The following DMXL1 variants were observed in gnomAD, a reference collection of about 807,000 sequenced individuals.
DMXL1 encodes Dmx like 1, also known as dmX-like protein 1.
DMXL1 carries 99 observed loss-of-function variants against 319.2 expected under a neutral mutation model. The ratio of observed to expected loss-of-function variants is 0.31; its 90% CI spans 0.26 to 0.37. The LOEUF is 0.37. Ranked by LOEUF, DMXL1 falls within the 10% of genes least tolerant of loss-of-function variation. The probability of loss-of-function intolerance (pLI) is 1.00; values close to 1 mark genes in which losing one functional copy is unlikely to be tolerated. For synonymous variants in DMXL1, 1,385 were observed against 1,235.2 expected (o/e 1.12, Z -2.54); for missense variants, 3,745 against 3,595.6 (o/e 1.04, Z -1.06).
At position 119,133,859 on chromosome 5, in the gene DMXL1, C is replaced by T; in HGVS notation, c.1935C>T (p.Cys645=). The T allele has an allele frequency of 6.2e-7, 1 of 1,614,064 alleles. No homozygotes were observed. The highest frequency in any genetic ancestry group is 1.1e-5 in the South Asian group (1 of 91,082). Residue 645 remains cysteine, a synonymous_variant, in exon 12 of 44, where the codon TGC becomes TGT. Coordinates refer to ENST00000539542, the MANE Select transcript of DMXL1 (RefSeq NM_001290321.3). ...GHRFHLNDLA[C]HSVLPLLLTT... ...GTTTTCATCTTAATGATTTAGCTTG[C>T]CACTCAGTATTACCATTATTGCTGA...
chr5:119,164,765 C>T (rs1773059216), intron 20 of DMXL1, 89 bp downstream of exon 20: 2 of 1,219,656 alleles, frequency 1.6e-6, no homozygotes, highest in African/African-American at 3.0e-5. Flanking sequence ...CCATTACTCC[C>T]TCTTGTTTTT....
At chr5:119,184,258 G>A (rs1164275593) in intron 28 of DMXL1, among the ~76,000 whole-genome samples, 1 of 151,956 alleles carries the variant, frequency 6.6e-6, no homozygotes, top group Non-Finnish European at 1.5e-5. Context: ...ATAGAGACAA[G>A]GTCTCACTAT....
At chr5:119,231,224 C>T (rs1230501866) in intron 38 of DMXL1, among the ~76,000 whole-genome samples, 2 of 152,150 alleles carry the variant, frequency 1.3e-5, no homozygotes, top group Non-Finnish European at 2.9e-5. Flanking sequence ...GGTAAATATA[C>T]TCATTTCTCT....
intron 38 of DMXL1, 152 bp from the exon 39 acceptor site, chr5:119,233,188 G>T: frequency 1.5e-6 from 1 of 671,912 alleles, no homozygotes; most frequent in Admixed American, 3.0e-5. Flanking sequence ...TTTTTATGAT[G>T]AATAGTATTC....
rs1020835140 is a variant in DMXL1, at chr5:119,173,702, A to G, written c.6682-1559A>G. Among the ~76,000 whole-genome samples the G allele has an allele frequency of 3.3e-3, 385 of 116,796 alleles. 2 individuals carry two copies. Among genetic ancestry groups the G allele is most frequent in the Middle Eastern group, 0.023 (6 of 256 alleles). 76.6% of individuals were successfully genotyped at this position (116,796 alleles called of 152,430 possible). ...TGTGTGTGTGTGTGTGTGTGTGTATATATATATGTGTGTGTGTATATATAT... is the reference window on the plus strand; with the variant it reads ...TGTGTGTGTGTGTGTGTGTGTGTATGTATATATGTGTGTGTGTATATATAT... On this transcript the variant is annotated intron_variant, in intron 25 of 43. Coordinates refer to ENST00000539542, the MANE Select transcript of DMXL1 (RefSeq NM_001290321.3).
At chr5:119,196,043 T>G (rs1431371866) in intron 30 of DMXL1, among the ~76,000 whole-genome samples, 1 of 152,190 alleles carries the variant, frequency 6.6e-6, no homozygotes, top group Non-Finnish European at 1.5e-5. Flanking sequence ...TGCTACCTGC[T>G]TTTTATTTAT....
intron 1 of DMXL1, among the ~76,000 whole-genome samples, chr5:119,072,466 AC>A (rs1749832866): frequency 6.6e-6 from 1 of 152,016 alleles, no homozygotes; most frequent in Admixed American, 6.6e-5. Context: ...TTGTGTAGAT[AC>A]CTCTTTAGTT....
At position 119,186,747 on chromosome 5, in the gene DMXL1, G is replaced by A. The variant is rs572972181; in HGVS notation, c.7136-2961G>A. On this transcript the variant is annotated intron_variant, in intron 28 of 43. Coordinates refer to ENST00000539542, the MANE Select transcript of DMXL1 (RefSeq NM_001290321.3). ...TAGCCATTTCTCCATTTCTGTTTTG[G>A]GTTCTTTGGGGAGTTACTTTTATAA... 3.9e-5 allele frequency among the ~76,000 whole-genome samples: 6 copies of A among 152,192 alleles called. No homozygotes were observed. In the South Asian group the frequency reaches 1.0e-3, roughly 26 times the overall value.
chr5:119,071,334 C>G lies in DMXL1; in HGVS notation c.-236C>G, dbSNP rs960021346. On this transcript the variant is annotated 5_prime_UTR_variant, in exon 1 of 44. Coordinates refer to ENST00000539542, the MANE Select transcript of DMXL1 (RefSeq NM_001290321.3). ...GCTAGCGCGGGGAGTGACAGGTGCG[C>G]GAAGGAGCGCGGCGCTCCGCCCTCT... The G allele has an allele frequency of 1.9e-6, 1 of 521,618 alleles. No homozygotes were observed. Among genetic ancestry groups the G allele is most frequent in the African/African-American group, 2.1e-5 (1 of 48,254 alleles). The allele number at this position is 521,618 out of a possible 1,614,324, so 32.3% of individuals were successfully genotyped here.
intron 19 of DMXL1, among the ~76,000 whole-genome samples, chr5:119,153,838 G>A (rs1770380647): frequency 6.6e-6 from 1 of 152,194 alleles, no homozygotes; most frequent in Non-Finnish European, 1.5e-5. Context: ...AAATACAGCA[G>A]TTTTTACAAA....
chr5:119,129,553 C>T, intron 10 of DMXL1, 130 bp downstream of exon 10: 1 of 647,010 alleles, frequency 1.5e-6, no homozygotes, highest in Non-Finnish European at 2.6e-6. Flanking sequence ...TGGACTAGCT[C>T]ATTTAATAAT....
chr5:119,082,437 G>A (rs1412817887), intron 1 of DMXL1, among the ~76,000 whole-genome samples: 1 of 152,200 alleles, frequency 6.6e-6, no homozygotes, highest in Non-Finnish European at 1.5e-5. Context: ...ACCATGCCTG[G>A]CTAATTTTTA....
chr5:119,110,496 G>C (rs1759335952), intron 5 of DMXL1, among the ~76,000 whole-genome samples: 1 of 152,186 alleles, frequency 6.6e-6, no homozygotes. Context: ...AGAAACAAAT[G>C]TGTAAGGCTT....
At chr5:119,074,695 A>G (rs1184952185) in intron 1 of DMXL1, among the ~76,000 whole-genome samples, 1 of 152,208 alleles carries the variant, frequency 6.6e-6, no homozygotes, top group Non-Finnish European at 1.5e-5. Context: ...CTTGTGGGCA[A>G]TGACCATCTC....
intron 34 of DMXL1, 148 bp from the exon 35 acceptor site, chr5:119,216,753 A>T (rs1164507216): frequency 1.9e-6 from 1 of 527,964 alleles, no homozygotes; most frequent in Non-Finnish European, 3.3e-6. Flanking sequence ...TGTTTTAGGG[A>T]TAATTAGCAT....
In DMXL1 at chr5:119,116,200, C is replaced by G; in HGVS notation, c.607C>G (p.Arg203Gly). The change falls in exon 7 of 44, where the codon CGG becomes GGG. Residue 203 changes from arginine (R) to glycine (G), a missense_variant. Arg to Gly is a moderately radical substitution (Grantham distance 125, BLOSUM62 -2). Around this residue, in one of 4 missense-constraint regions of DMXL1, gnomAD observed 2,096 missense variants for 1,985.4 expected, o/e 1.06. Coordinates refer to ENST00000539542, the MANE Select transcript of DMXL1 (RefSeq NM_001290321.3). Reference sequence around the variant, plus strand: ...GGTTTGGTATAATGTAGAAAACTGGCGGACAGCTGTTACTTCTCCAGATGG... The same window carrying G: ...GGTTTGGTATAATGTAGAAAACTGGGGGACAGCTGTTACTTCTCCAGATGG... ...LKVWYNVENW[R>G]TAVTSPDGSS... The G allele has an allele frequency of 1.2e-6, 2 of 1,613,090 alleles. No homozygotes were observed. Among genetic ancestry groups the G allele is most frequent in the Non-Finnish European group, 1.7e-6 (2 of 1,179,544 alleles).
At chr5:119,107,309 C>G (rs1411408700) in intron 4 of DMXL1, among the ~76,000 whole-genome samples, 2 of 151,518 alleles carry the variant, frequency 1.3e-5, no homozygotes, top group Non-Finnish European at 2.9e-5. Context: ...CTACTGCTTT[C>G]TAGCCTGGGT....
chr5:119,151,350 G>C (rs2150148118), intron 18 of DMXL1, among the ~76,000 whole-genome samples: 1 of 152,114 alleles, frequency 6.6e-6, no homozygotes, highest in South Asian at 2.1e-4. Flanking sequence ...AATGAAACTT[G>C]AAAGGAAAAT....
intron 29 of DMXL1, among the ~76,000 whole-genome samples, chr5:119,190,779 A>T (rs1201969017): frequency 3.3e-5 from 5 of 152,224 alleles, no homozygotes; most frequent in African/African-American, 1.2e-4. Flanking sequence ...AGTAGTTGTG[A>T]TAAAATGATG....
Sources: allele counts gnomAD v4.1 joint callset (sites outside exome capture counted in the v4.1 genomes callset), GRCh38; gene constraint gnomAD v4.1.1; regional missense constraint gnomAD v4.1.1; transcripts MANE v1.5; gene names NCBI Gene and HGNC (gene_info 2026-07-23, HGNC 2026-07-21).